Variants in NAV3 observed in about 807,000 individuals in gnomAD.
NAV3 encodes neuron navigator 3.
Under a neutral mutation model 244.7 loss-of-function variants are expected in NAV3, and 87 were observed. The ratio of observed to expected loss-of-function variants is 0.36; its 90% CI spans 0.30 to 0.42. The LOEUF (loss-of-function observed/expected upper bound fraction) is 0.42, where lower values mean the gene tolerates loss of function less well. Ranked by LOEUF, NAV3 falls within the 20% of genes least tolerant of loss-of-function variation. The probability of loss-of-function intolerance (pLI) is 1.00; values close to 1 mark genes in which losing one functional copy is unlikely to be tolerated. For synonymous variants in NAV3, 1,126 were observed against 1,042.2 expected (o/e 1.08, Z -1.55); for missense variants, 2,663 against 2,893.3 (o/e 0.92, Z 1.83).
intron 3 of NAV3, among the ~76,000 whole-genome samples, chr12:77,945,367 G>C (rs946128146): frequency 6.6e-6 from 1 of 152,146 alleles, no homozygotes; most frequent in Non-Finnish European, 1.5e-5. Flanking sequence ...AAAAGGTTAT[G>C]ATGGGGTGAA....
chr12:77,706,347 A>G (rs1875797988), intron 2 of NAV3, among the ~76,000 whole-genome samples: 1 of 151,422 alleles, frequency 6.6e-6, no homozygotes, highest in African/African-American at 2.4e-5. Context: ...TAGTTATTCA[A>G]AGACTATGAG....
At chr12:77,741,165 AAG>A (rs1555200373) in intron 2 of NAV3, among the ~76,000 whole-genome samples, 2 of 141,276 alleles carry the variant, frequency 1.4e-5, no homozygotes, top group South Asian at 2.2e-4. Flanking sequence ...AAAAAAAAAA[AAG>A]AAAAGAAAGA....
intron 12 of NAV3, among the ~76,000 whole-genome samples, chr12:78,091,339 A>G (rs1953921433): frequency 6.6e-6 from 1 of 152,214 alleles, no homozygotes; most frequent in African/African-American, 2.4e-5. Context: ...ATCTTGCTAA[A>G]AGGCATAACT....
At chr12:77,623,485 T>C (rs964501940) in intron 2 of NAV3, among the ~76,000 whole-genome samples, 30 of 152,202 alleles carry the variant, frequency 2.0e-4, no homozygotes, top group Non-Finnish European at 5.9e-5. Flanking sequence ...GAATTTCCTT[T>C]CCAAAGTGCC....
intron 12 of NAV3, among the ~76,000 whole-genome samples, chr12:78,073,437 A>G (rs1018100267): frequency 1.3e-5 from 2 of 151,878 alleles, no homozygotes; most frequent in African/African-American, 2.4e-5. Context: ...CCCATTCACA[A>G]TTGCTTCAAA....
chr12:77,732,402 T>A (rs1877162652), intron 2 of NAV3, among the ~76,000 whole-genome samples: 1 of 151,996 alleles, frequency 6.6e-6, no homozygotes, highest in Non-Finnish European at 1.5e-5. Flanking sequence ...CACTGCTTTA[T>A]GAGGTGCTTC....
At chr12:77,863,210 C>A (rs1343793150) in intron 1 of NAV3, among the ~76,000 whole-genome samples, 2 of 151,824 alleles carry the variant, frequency 1.3e-5, no homozygotes, top group East Asian at 1.9e-4. Context: ...TGTAAACAAA[C>A]AATTCTGCCA....
intron 2 of NAV3, among the ~76,000 whole-genome samples, chr12:77,739,043 A>T (rs1274858366): frequency 6.8e-6 from 1 of 147,184 alleles, no homozygotes; most frequent in Non-Finnish European, 1.5e-5. Context: ...AAAAAAGACT[A>T]CAGGTTCTGG....
chr12:77,756,206 T>C (rs1018082969), intron 2 of NAV3, among the ~76,000 whole-genome samples: 2 of 152,174 alleles, frequency 1.3e-5, no homozygotes, highest in African/African-American at 4.8e-5. Flanking sequence ...TTTAGTATCA[T>C]TATTAATGTT....
intron 39 of NAV3, among the ~76,000 whole-genome samples, chr12:78,206,854 CTTT>C (rs10594185): frequency 0.022 from 2,479 of 114,752 alleles, 18 homozygotes; most frequent in South Asian, 0.051. Flanking sequence ...TTCTTTCTTA[CTTT>C]TTTTTTTTTT....
At chr12:77,723,433 C>G (rs1397067287) in intron 2 of NAV3, among the ~76,000 whole-genome samples, 30 of 151,920 alleles carry the variant, frequency 2.0e-4, no homozygotes, top group Admixed American at 2.0e-3. Flanking sequence ...GCTGCTTAGA[C>G]TACATGGAGC....
At chr12:78,095,960 A>T (rs1468534433) in intron 12 of NAV3, among the ~76,000 whole-genome samples, 1 of 152,192 alleles carries the variant, frequency 6.6e-6, no homozygotes. Context: ...ATCTGGAAGT[A>T]ACCTATATGG....
At chr12:77,804,603 A>G (rs939254589) in intron 2 of NAV3, among the ~76,000 whole-genome samples, 5 of 151,940 alleles carry the variant, frequency 3.3e-5, no homozygotes, top group African/African-American at 7.3e-5. Context: ...GTCACATAGT[A>G]TGGTGCCTCC....
intron 2 of NAV3, chr12:77,572,372 C>T (rs932037631): frequency 8.5e-5 from 13 of 152,560 alleles, no homozygotes; most frequent in Admixed American, 6.6e-4. Flanking sequence ...TACTGTTTCA[C>T]GGAAATCAAC....
chr12:77,669,178 C>T (rs1873851060), intron 2 of NAV3, among the ~76,000 whole-genome samples: 1 of 152,152 alleles, frequency 6.6e-6, no homozygotes. Flanking sequence ...CAAGACAGCA[C>T]TACAAGAACT....
intron 2 of NAV3, among the ~76,000 whole-genome samples, chr12:77,798,405 C>G (rs888990095): frequency 1.3e-5 from 2 of 151,936 alleles, no homozygotes; most frequent in African/African-American, 2.4e-5. Flanking sequence ...TATAATTTTA[C>G]ACTTATAAAC....
intron 12 of NAV3, among the ~76,000 whole-genome samples, chr12:78,088,576 A>G (rs893520814): frequency 2.6e-5 from 4 of 152,128 alleles, no homozygotes; most frequent in Admixed American, 6.6e-5. Context: ...TCTTCATTCT[A>G]CTTGTTTCTT....
chr12:77,679,928 A>G (rs965028286), intron 2 of NAV3, among the ~76,000 whole-genome samples: 4 of 152,164 alleles, frequency 2.6e-5, no homozygotes, highest in Non-Finnish European at 5.9e-5. Context: ...CCAGCTTACC[A>G]TCGAACCAGA....
intron 3 of NAV3, among the ~76,000 whole-genome samples, chr12:77,958,072 T>G (rs991735557): frequency 1.3e-5 from 2 of 152,226 alleles, no homozygotes; most frequent in African/African-American, 4.8e-5. Flanking sequence ...GTAAGTGTCT[T>G]GAGTTTTCAT....
Sources: gnomAD v4.1 joint callset for allele counts (sites outside exome capture counted in the v4.1 genomes callset) on GRCh38, gnomAD v4.1.1 for gene constraint, MANE v1.5 for transcripts, NCBI Gene and HGNC (gene_info 2026-07-23, HGNC 2026-07-21) for gene names.